Variants in SLC26A7 observed in about 807,000 individuals in gnomAD.
SLC26A7 encodes the protein solute carrier family 26 member 7.
SLC26A7 carries 59 observed loss-of-function variants against 82.5 expected under a neutral mutation model. The ratio of observed to expected loss-of-function variants is 0.72; its 90% confidence interval spans 0.58 to 0.89. The LOEUF is 0.89. Ranked by LOEUF, SLC26A7 falls within the 40% of genes least tolerant of loss-of-function variation. The probability of loss-of-function intolerance (pLI) is 0.00; values close to 1 mark genes in which losing one functional copy is unlikely to be tolerated. For missense variants in SLC26A7, 820 were observed against 793.0 expected (o/e 1.03, Z -0.41); for synonymous variants, 271 against 274.3 (o/e 0.99, Z 0.12).
chr8:91,322,944 G>A (rs1021891476), intron 5 of SLC26A7, among the ~76,000 whole-genome samples: 2 of 152,134 alleles, frequency 1.3e-5, no homozygotes, highest in African/African-American at 4.8e-5. Context: ...AACCAAGAAT[G>A]TTAATAAAAT....
chr8:91,270,932 C>T (rs1381947061), intron 2 of SLC26A7, among the ~76,000 whole-genome samples: 1 of 152,168 alleles, frequency 6.6e-6, no homozygotes, highest in Non-Finnish European at 1.5e-5. Flanking sequence ...CTAACCAGCA[C>T]CACTGTCTGC....
chr8:91,306,146 C>T (rs1422746546), intron 4 of SLC26A7, among the ~76,000 whole-genome samples: 1 of 152,158 alleles, frequency 6.6e-6, no homozygotes, highest in Non-Finnish European at 1.5e-5. Context: ...TCCATGCTGT[C>T]CTGTTTGATC....
At chr8:91,270,702 G>A (rs1392723374) in intron 2 of SLC26A7, among the ~76,000 whole-genome samples, 2 of 152,148 alleles carry the variant, frequency 1.3e-5, no homozygotes, top group African/African-American at 2.4e-5. Context: ...TCTTACAGAG[G>A]AAGTTACTAG....
chr8:91,394,990 G>T (rs1028991380), intron 18 of SLC26A7, 72 bp from the exon 19 acceptor site: 1 of 1,536,394 alleles, frequency 6.5e-7, no homozygotes, highest in Non-Finnish European at 9.0e-7. Flanking sequence ...AGTTACTACT[G>T]TTCTTTTACT....
In SLC26A7 at chr8:91,336,159, G is replaced by A. The variant is rs546260504; in HGVS notation, c.795+1712G>A. On this transcript the variant is annotated intron_variant, in intron 6 of 18. Transcript: ENST00000276609. Reference sequence around the variant, plus strand: ...ATCCAGAGTGTGGTTCAGAAAGAAGGGTACAGGTTTGAGTTGGGCACAAAC... The same window carrying A: ...ATCCAGAGTGTGGTTCAGAAAGAAGAGTACAGGTTTGAGTTGGGCACAAAC... Among the ~76,000 whole-genome samples the A allele has an allele frequency of 2.0e-5, 3 of 152,228 alleles. No homozygotes were observed. In the East Asian group the frequency reaches 5.8e-4, roughly 29 times the overall value.
At chr8:91,308,812 C>A (rs1812397039) in intron 4 of SLC26A7, among the ~76,000 whole-genome samples, 1 of 152,098 alleles carries the variant, frequency 6.6e-6, no homozygotes, top group Admixed American at 6.5e-5. Context: ...ATTGTCCTGG[C>A]TTTGGACATT....
chr8:91,215,063 C>T (rs1282169204), intron 1 of SLC26A7, among the ~76,000 whole-genome samples: 1 of 152,034 alleles, frequency 6.6e-6, no homozygotes, highest in Non-Finnish European at 1.5e-5. Context: ...CCTTCTTCCA[C>T]TTTAACAACT....
At chr8:91,364,748 T>C (rs1228620936) in intron 13 of SLC26A7, among the ~76,000 whole-genome samples, 1 of 152,206 alleles carries the variant, frequency 6.6e-6, no homozygotes, top group Admixed American at 6.5e-5. Context: ...CTTCTTGGGC[T>C]AAACATGTAC....
chr8:91,292,403 G>T (rs1811898072), intron 3 of SLC26A7, among the ~76,000 whole-genome samples: 1 of 151,936 alleles, frequency 6.6e-6, no homozygotes. Context: ...TTTAATCTTG[G>T]ACATAGGGAC....
At chr8:91,235,990 T>G (rs1238224506) in intron 2 of SLC26A7, among the ~76,000 whole-genome samples, 1 of 152,140 alleles carries the variant, frequency 6.6e-6, no homozygotes, top group Non-Finnish European at 1.5e-5. Context: ...TTCTGAAAAT[T>G]TTACTTAGAT....
chr8:91,279,125 G>GTGTATATATA (rs1382744780), intron 2 of SLC26A7, among the ~76,000 whole-genome samples: 22 of 111,282 alleles, frequency 2.0e-4, no homozygotes, highest in African/African-American at 6.7e-4. Flanking sequence ...GTGTGTGTGT[G>GTGTATATATA]TATATATATA....
chr8:91,355,251 A>G (rs975618129), intron 11 of SLC26A7, among the ~76,000 whole-genome samples: 1 of 152,176 alleles, frequency 6.6e-6, no homozygotes, highest in African/African-American at 2.4e-5. Flanking sequence ...TATTATCAGA[A>G]TATCACTGTG....
At chr8:91,267,462 T>C (rs1811145167) in intron 2 of SLC26A7, among the ~76,000 whole-genome samples, 1 of 152,002 alleles carries the variant, frequency 6.6e-6, no homozygotes, top group Admixed American at 6.6e-5. Flanking sequence ...GTTCAGGTTT[T>C]CTATTTCTTC....
chr8:91,394,500 G>T, intron 18 of SLC26A7: 1 of 1,317,830 alleles, frequency 7.6e-7, no homozygotes. Context: ...AAGTGTCAAA[G>T]TTATTTTACA....
Position 91,373,163 on chromosome 8 carries a change from T to C in SLC26A7, c.1675+3330T>C, listed in dbSNP as rs553087278. On this transcript the variant is annotated intron_variant, in intron 15 of 18. Coordinates refer to ENST00000276609, the MANE Select transcript of SLC26A7 (RefSeq NM_052832.4). ...TTTTCTAGGTATAGAATTGTATCAT[T>C]TGTGAAGACAGATAGTTTGACTTCT... Among the ~76,000 whole-genome samples, 12 of 151,958 alleles carry C rather than the reference T, an allele frequency of 7.9e-5. No homozygotes were observed. In the South Asian group the frequency reaches 2.5e-3, roughly 32 times the overall value.
chr8:91,221,564 G>A (rs941804049), intron 2 of SLC26A7, among the ~76,000 whole-genome samples: 2 of 152,132 alleles, frequency 1.3e-5, no homozygotes, highest in Non-Finnish European at 2.9e-5. Context: ...TGTAAGGAAG[G>A]GGTCCAGTTT....
intron 5 of SLC26A7, among the ~76,000 whole-genome samples, chr8:91,333,447 C>G (rs957770550): frequency 6.6e-6 from 1 of 152,080 alleles, no homozygotes; most frequent in Non-Finnish European, 1.5e-5. Context: ...GTCATGCACC[C>G]CTCCCCTCAC....
chr8:91,289,518 G>A (rs771071767), intron 3 of SLC26A7, among the ~76,000 whole-genome samples: 4 of 152,128 alleles, frequency 2.6e-5, no homozygotes, highest in African/African-American at 7.2e-5. Context: ...GGTAGTACAC[G>A]CCTGTAGTCC....
chr8:91,366,623 T>C lies in SLC26A7; in HGVS notation c.1532T>C (p.Leu511Pro), dbSNP rs1586459128. The change falls in exon 14 of 19, where the codon CTT (leucine) becomes CCT (proline). Residue 511 changes from leucine (L) to proline (P), a missense_variant. Coordinates refer to ENST00000276609, the MANE Select transcript of SLC26A7 (RefSeq NM_052832.4). ...AAAATTATCTCAATAAACAACCCGCTTGTTTTCCTGAATGCAAAAAAATTT... is the reference window on the plus strand; with the variant it reads ...AAAATTATCTCAATAAACAACCCGCCTGTTTTCCTGAATGCAAAAAAATTT... ...QVKIISINNP[L>P]VFLNAKKFYT... is the part of the protein sequence containing the mutation. 1.2e-6 allele frequency: 2 copies of C among 1,613,532 alleles called. No homozygotes were observed. Among genetic ancestry groups the C allele is most frequent in the Non-Finnish European group, 1.7e-6 (2 of 1,179,854 alleles).
Sources: allele counts gnomAD v4.1 joint callset (sites outside exome capture counted in the v4.1 genomes callset), GRCh38; gene constraint gnomAD v4.1.1; transcripts MANE v1.5; gene names NCBI Gene and HGNC (gene_info 2026-07-23, HGNC 2026-07-21).